The following SSH2 variants were observed in gnomAD, a reference collection of about 807,000 sequenced individuals.
SSH2 encodes the protein slingshot protein phosphatase 2.
Under a neutral mutation model 135.2 loss-of-function variants are expected in SSH2, and 37 were observed. The observed-to-expected ratio is 0.27, with a 90% CI of 0.21 to 0.36. The LOEUF is 0.36. Ranked by LOEUF, SSH2 falls within the 10% of genes least tolerant of loss-of-function variation. The pLI is 1.00. For synonymous variants in SSH2, 628 were observed against 646.2 expected, an observed-to-expected ratio of 0.97 and a Z score of 0.43; for missense variants, 1,408 against 1,765.3, an observed-to-expected ratio of 0.80 and a Z score of 3.63.
intron 3 of SSH2, among the ~76,000 whole-genome samples, chr17:29,709,160 C>T (rs1332133323): frequency 1.3e-5 from 2 of 151,426 alleles, no homozygotes; most frequent in Non-Finnish European, 2.9e-5. Flanking sequence ...ATTTTTACCC[C>T]CAATATACAT....
chr17:29,802,817 T>G (rs2042274671), intron 2 of SSH2, among the ~76,000 whole-genome samples: 1 of 152,058 alleles, frequency 6.6e-6, no homozygotes, highest in African/African-American at 2.4e-5. Context: ...GTTATGAGTC[T>G]GCAATGATGG....
intron 3 of SSH2, among the ~76,000 whole-genome samples, chr17:29,760,918 C>G (rs1438826574): frequency 6.6e-6 from 1 of 152,096 alleles, no homozygotes; most frequent in African/African-American, 2.4e-5. Context: ...CGGAAATTCT[C>G]CCAAAGGATT....
intron 1 of SSH2, among the ~76,000 whole-genome samples, chr17:29,854,836 A>G (rs539996640): frequency 6.6e-6 from 1 of 152,216 alleles, no homozygotes; most frequent in East Asian, 1.9e-4. Context: ...AATCCCAGCT[A>G]CTCGGGAGGC....
At chr17:29,825,323 C>T (rs193238261) in intron 2 of SSH2, among the ~76,000 whole-genome samples, 11 of 152,228 alleles carry the variant, frequency 7.2e-5, no homozygotes, top group Non-Finnish European at 1.3e-4. Context: ...AATATGCTAT[C>T]CTTCATGTAA....
chr17:29,755,701 G>A (rs1406791850), intron 3 of SSH2, among the ~76,000 whole-genome samples: 2 of 146,018 alleles, frequency 1.4e-5, no homozygotes, highest in Non-Finnish European at 3.0e-5. Flanking sequence ...TCGCTCTTTC[G>A]CCCAGGCTGG....
intron 1 of SSH2, among the ~76,000 whole-genome samples, chr17:29,862,936 G>A (rs2065789458): frequency 6.6e-6 from 1 of 152,194 alleles, no homozygotes; most frequent in South Asian, 2.1e-4. Context: ...CACTGAAGTA[G>A]GAGATCCCTT....
intron 3 of SSH2, chr17:29,761,323 G>A: frequency 8.7e-7 from 1 of 1,149,528 alleles, no homozygotes; most frequent in South Asian, 1.6e-5. Flanking sequence ...CCTCTGCTCT[G>A]CTCCGGCACG....
Position 29,636,437 on chromosome 17 carries a change from T to A in SSH2, c.1793A>T (p.His598Leu). The change falls in exon 15 of 16, where the codon CAT becomes CTT. Residue 598 changes from histidine (H) to leucine (L), a missense_variant. By Grantham distance (99) the His-to-Leu change is moderately conservative (BLOSUM62 -3). Around this residue, in one of 3 missense-constraint regions of SSH2, gnomAD observed 1,080 missense variants for 1,144.5 expected, o/e 0.94. Transcript: ENST00000540801. ...NESKFPLDNC[H>L]ASKALIQPGH... ...AGGCTGAATTAAGGCTTTGGATGCA[T>A]GGCAATTGTCAAGAGGAAATTTTGA... 6.2e-7 allele frequency: 1 copy of A among 1,614,234 alleles called. No individual in the cohort carries two copies. Among genetic ancestry groups the A allele is most frequent in the Middle Eastern group, 1.6e-4 (1 of 6,062 alleles).
chr17:29,781,995 G>A (rs1266755520), intron 3 of SSH2, among the ~76,000 whole-genome samples: 3 of 151,806 alleles, frequency 2.0e-5, no homozygotes, highest in African/African-American at 4.8e-5. Context: ...ACAGGTGTGC[G>A]CCACCATGCC....
intron 3 of SSH2, among the ~76,000 whole-genome samples, chr17:29,715,481 G>A (rs2039591610): frequency 2.0e-5 from 3 of 150,742 alleles, no homozygotes; most frequent in Admixed American, 2.0e-4. Flanking sequence ...TCCTGACCTC[G>A]TGATCCACCT....
At chr17:29,765,679 T>G (rs1323731925) in intron 3 of SSH2, among the ~76,000 whole-genome samples, 1 of 152,196 alleles carries the variant, frequency 6.6e-6, no homozygotes, top group Non-Finnish European at 1.5e-5. Flanking sequence ...CCCTACTTTC[T>G]TTAATCTTAA....
chr17:29,704,414 T>A (rs1012610121), intron 3 of SSH2, among the ~76,000 whole-genome samples: 1 of 152,046 alleles, frequency 6.6e-6, no homozygotes, highest in Non-Finnish European at 1.5e-5. Flanking sequence ...CAAAATACAA[T>A]TACTGGTCTG....
intron 1 of SSH2, among the ~76,000 whole-genome samples, chr17:29,891,593 GA>G (rs200814194): frequency 3.0e-4 from 41 of 137,294 alleles, no homozygotes; most frequent in East Asian, 1.7e-3. Flanking sequence ...CATAGTAATA[GA>G]AAAAAAAAAA....
At chr17:29,847,917 GA>G (rs1343436952) in intron 2 of SSH2, among the ~76,000 whole-genome samples, 2 of 152,106 alleles carry the variant, frequency 1.3e-5, no homozygotes, top group Non-Finnish European at 2.9e-5. Context: ...ACATGTAATT[GA>G]AAGTGGGTAT....
At chr17:29,803,347 CAT>C (rs2042284331) in intron 2 of SSH2, among the ~76,000 whole-genome samples, 1 of 152,128 alleles carries the variant, frequency 6.6e-6, no homozygotes, top group Non-Finnish European at 1.5e-5. Context: ...GCTTCATTCA[CAT>C]GTCTAATGTC....
chr17:29,816,983 C>T (rs1053848601), intron 2 of SSH2, among the ~76,000 whole-genome samples: 4 of 152,080 alleles, frequency 2.6e-5, no homozygotes, highest in Non-Finnish European at 5.9e-5. Flanking sequence ...CTTGACAACC[C>T]ACCAGCTCAT....
chr17:29,843,924 T>C (rs1212811271), intron 2 of SSH2, among the ~76,000 whole-genome samples: 2 of 152,180 alleles, frequency 1.3e-5, no homozygotes, highest in Non-Finnish European at 2.9e-5. Context: ...AACAAGGATA[T>C]TGTATTCTGA....
chr17:29,908,414 A>G (rs1464975802), intron 1 of SSH2, among the ~76,000 whole-genome samples: 2 of 152,132 alleles, frequency 1.3e-5, no homozygotes, highest in Non-Finnish European at 2.9e-5. Flanking sequence ...ACAGTGAGCC[A>G]TGATTGTGCC....
chr17:29,710,957 A>T (rs1424491875), intron 3 of SSH2, among the ~76,000 whole-genome samples: 1 of 152,206 alleles, frequency 6.6e-6, no homozygotes, highest in Non-Finnish European at 1.5e-5. Flanking sequence ...AGCATGACCA[A>T]ACATTGAATA....
Sources: allele counts gnomAD v4.1 joint callset (sites outside exome capture counted in the v4.1 genomes callset), GRCh38; gene constraint gnomAD v4.1.1; regional missense constraint gnomAD v4.1.1; transcripts MANE v1.5; gene names NCBI Gene and HGNC (gene_info 2026-07-23, HGNC 2026-07-21).